EMC1: variants seen among roughly 807,000 people sequenced by gnomAD.
EMC1 encodes KIAA0090.
In EMC1, 103 loss-of-function variants were observed where a neutral mutation model predicts 128.8. That is an observed-to-expected ratio of 0.80 (90% confidence interval 0.68 to 0.94). The LOEUF is 0.94. EMC1 is among the 40% of genes least tolerant of loss of function. The pLI is 0.00. For synonymous variants in EMC1, 442 were observed against 490.4 expected (o/e 0.90, Z 1.30); for missense variants, 1,083 against 1,250.6 (o/e 0.87, Z 2.02).
At chr1:19,222,548 ATGTG>A in intron 20 of EMC1, 72 bp downstream of exon 20, 2 of 1,303,360 alleles carry the variant, frequency 1.5e-6, no homozygotes, top group Non-Finnish European at 2.2e-6. Context: ...TCTGCCAGCA[ATGTG>A]TCCCTTGCTC....
chr1:19,234,009 G>A (rs1205487381), intron 13 of EMC1, among the ~76,000 whole-genome samples: 1 of 152,080 alleles, frequency 6.6e-6, no homozygotes, highest in Non-Finnish European at 1.5e-5. Flanking sequence ...CTCTGCTCAA[G>A]GAAGAGAAGT....
chr1:19,219,091 C>G lies in EMC1; in HGVS notation c.*212G>C. On this transcript the variant is annotated 3_prime_UTR_variant, in exon 23 of 23. Transcript: ENST00000477853. ...CATCAGGAATCTCTGAGAGTGTCAG[C>G]TGAGAGAGTTCTGTCTCTCTCCATG... 1.9e-6 allele frequency: 1 copy of G among 533,872 alleles called. No homozygotes were observed. Among genetic ancestry groups the G allele is most frequent in the Non-Finnish European group, 3.4e-6 (1 of 298,258 alleles). 33.1% of individuals were successfully genotyped at this position (533,872 alleles called of 1,614,324 possible). A position where few individuals can be genotyped will look rare whatever the true frequency, so the allele number is the denominator to read the frequency against.
intron 17 of EMC1, 81 bp downstream of exon 17, chr1:19,230,763 C>T (rs1195567715): frequency 5.8e-6 from 9 of 1,542,218 alleles, no homozygotes; most frequent in Non-Finnish European, 7.1e-6. Context: ...GAATGAGTAG[C>T]ATAATTCACT....
In EMC1 at chr1:19,244,009, C is replaced by T. The variant is rs748974716; in HGVS notation, c.227G>A (p.Arg76His). Residue 76 changes from arginine to histidine, a missense_variant, in exon 3 of 23, where the codon CGC becomes CAC. Physicochemically the swap from Arg to His is conservative, Grantham distance 29 (BLOSUM62 0). Coordinates refer to ENST00000477853, the MANE Select transcript of EMC1 (RefSeq NM_015047.3). ...TTCTGCCGTGCCCTTGTCAACATGG[C>T]GCCACACTGAGAGACATGAAAGTTA... ...LNSRTGEILW[R>H]HVDKGTAEGA... 21 of 1,613,864 alleles carry T rather than the reference C, an allele frequency of 1.3e-5. No homozygotes were observed. Among genetic ancestry groups the T allele is most frequent in the African/African-American group, 6.7e-5 (5 of 74,872 alleles).
In EMC1 at chr1:19,223,385, T is replaced by A. The variant is rs757526391; in HGVS notation, c.2376+11A>T. On this transcript the variant is annotated intron_variant, in intron 19 of 22. Coordinates refer to ENST00000477853, the MANE Select transcript of EMC1 (RefSeq NM_015047.3). ...TGGAGCTACCTTGGGTCCCTGGTAG[T>A]GACCGCTTACCACCACCCAGTTCTC... is the stretch of plus-strand genomic sequence containing the variant. 2.5e-6 allele frequency: 4 copies of A among 1,611,738 alleles called. No homozygotes were observed. Among genetic ancestry groups the A allele is most frequent in the Non-Finnish European group, 1.7e-6 (2 of 1,177,984 alleles).
At chr1:19,240,912 C>A in intron 6 of EMC1, 104 bp downstream of exon 6, 1 of 1,357,160 alleles carries the variant, frequency 7.4e-7, no homozygotes, top group Non-Finnish European at 1.0e-6. Context: ...GCATAAGTAG[C>A]TTTTGCATCT....
In EMC1 at chr1:19,250,511, T is replaced by C. The variant is rs528298509; in HGVS notation, c.95+904A>G. ...ATGTAACATGTTTTATTTGTCACAC[T>C]GTCTGGCATAACAGGTACTCAACAT... On this transcript the variant is annotated intron_variant, in intron 1 of 22. Transcript: ENST00000477853. Among the ~76,000 whole-genome samples the C allele has an allele frequency of 7.9e-5, 12 of 152,328 alleles. No individual in the cohort carries two copies. In the South Asian group the frequency reaches 2.5e-3, roughly 32 times the overall value.
Position 19,251,488 on chromosome 1 carries a change from G to T in EMC1, c.22C>A (p.Arg8Ser), listed in dbSNP as rs759788442. 1.2e-6 allele frequency: 2 copies of T among 1,614,008 alleles called. No individual in the cohort carries two copies. The highest frequency in any genetic ancestry group is 1.1e-5 in the South Asian group (1 of 91,094). The part of the protein sequence containing the change: MAAEWAS[R>S]FWLWATLLIP... ...AGCAGCGTAGCCCAAAGCCAGAAAC[G>T]AGAAGCCCACTCAGCCGCCATGATG... Residue 8 changes from arginine (R) to serine (S), a missense_variant, in exon 1 of 23, where the codon CGT becomes AGT. By Grantham distance (110) the Arg-to-Ser change is moderately radical. Transcript: ENST00000477853.
chr1:19,239,629 G>T, intron 8 of EMC1, 189 bp downstream of exon 8: 1 of 614,530 alleles, frequency 1.6e-6, no homozygotes, highest in Middle Eastern at 4.1e-4. Flanking sequence ...AAGATCCTTT[G>T]TAATACTCAG....
Position 19,244,031 on chromosome 1 carries a change from G to T in EMC1, c.221-16C>A. 1 of 1,613,754 alleles carries T rather than the reference G, an allele frequency of 6.2e-7. No homozygotes were observed. The highest frequency in any genetic ancestry group is 8.5e-7 in the Non-Finnish European group (1 of 1,179,780). On this transcript the variant is annotated splice_polypyrimidine_tract_variant and intron_variant, in intron 2 of 22. Coordinates refer to ENST00000477853, the MANE Select transcript of EMC1 (RefSeq NM_015047.3). ...TGGCGCCACACTGAGAGACATGAAA[G>T]TTAGACATTACTATGAACAAAAGGT...
rs113921390 is a variant in EMC1 at position 19,218,990 on chromosome 1, A to AAAAAAAC, written c.*312_*313insGTTTTTT. ...AAAATCAGCCGGAATTCTTATTAAA[A>AAAAAAAC]AAAACAAAACAGAACATTCATGGAT... is the stretch of plus-strand genomic sequence containing the variant. On this transcript the variant is annotated 3_prime_UTR_variant, in exon 23 of 23. Transcript: ENST00000477853. The AAAAAAAC allele has an allele frequency of 2.8e-5, 6 of 213,184 alleles. No homozygotes were observed. Among genetic ancestry groups the AAAAAAAC allele is most frequent in the South Asian group, 1.6e-4 (1 of 6,400 alleles). 13.2% of individuals were successfully genotyped at this position (213,184 alleles called of 1,614,324 possible). A position where few individuals can be genotyped will look rare whatever the true frequency, so the allele number is the denominator to read the frequency against.
chr1:19,217,679 T>C lies in EMC1; in HGVS notation c.*1624A>G, dbSNP rs571521086. ...TGCAGGCTAACCTTGCACATATGTA[T>C]GTAAGACAGTCAGAATTCCAGCCAG... On this transcript the variant is annotated 3_prime_UTR_variant, in exon 23 of 23. Transcript: ENST00000477853. The C allele has an allele frequency of 6.6e-6, 1 of 152,340 alleles. No individual in the cohort carries two copies. Among genetic ancestry groups the C allele is most frequent in the African/African-American group, 2.4e-5 (1 of 41,574 alleles). 9.4% of individuals were successfully genotyped at this position (152,340 alleles called of 1,614,324 possible).
intron 13 of EMC1, 54 bp from the exon 14 acceptor site, chr1:19,233,189 G>A (rs755838009): frequency 2.2e-5 from 32 of 1,482,682 alleles, no homozygotes; most frequent in African/African-American, 4.2e-5. Context: ...TCCATAAGGA[G>A]GTACATGATT....
Position 19,244,843 on chromosome 1 carries a change from G to C in EMC1, c.220+63C>G, listed in dbSNP as rs562449257. The stretch of plus-strand genomic sequence containing the variant: ...CTTATTCAGGAATCAGCCAGGCAGA[G>C]TTGGCAATGGTAAGTCTTTCATCCC... On this transcript the variant is annotated intron_variant, in intron 2 of 22. Transcript: ENST00000477853. The C allele has an allele frequency of 1.4e-5, 22 of 1,589,874 alleles. No homozygotes were observed. The African/African-American group carries it at 2.6e-4, about 18-fold the overall frequency.
At chr1:19,229,100 GGGAATCATAAATACACAA>G (rs2093500847) in intron 17 of EMC1, among the ~76,000 whole-genome samples, 1 of 152,092 alleles carries the variant, frequency 6.6e-6, no homozygotes, top group Non-Finnish European at 1.5e-5. Context: ...GCTGTTGATA[GGGAATCATAAATACACAA>G]GGACAGTAGA....
intron 17 of EMC1, among the ~76,000 whole-genome samples, chr1:19,228,249 C>T (rs145982148): frequency 1.8e-3 from 269 of 151,334 alleles, no homozygotes; most frequent in African/African-American, 6.3e-3. Context: ...GGAAAGGAGG[C>T]GAACGCTCAA....
At chr1:19,220,658 G>T in intron 21 of EMC1, 106 bp downstream of exon 21, 1 of 829,900 alleles carries the variant, frequency 1.2e-6, no homozygotes, top group South Asian at 2.1e-5. Context: ...TACATCCCCA[G>T]CCCCTAGCAC....
intron 1 of EMC1, among the ~76,000 whole-genome samples, chr1:19,245,378 T>C (rs962161997): frequency 6.6e-6 from 1 of 151,186 alleles, no homozygotes; most frequent in South Asian, 2.1e-4. Context: ...GAGGCGGAGG[T>C]TGCAGTGAGC....
At chr1:19,243,582 T>A (rs2093617737) in intron 4 of EMC1, 32 bp downstream of exon 4, 3 of 1,578,178 alleles carry the variant, frequency 1.9e-6, no homozygotes, top group Non-Finnish European at 2.6e-6. Flanking sequence ...AGCCTTTAAC[T>A]CAGTCAAGAT....
Sources: allele counts gnomAD v4.1 joint callset (sites outside exome capture counted in the v4.1 genomes callset), GRCh38; gene constraint gnomAD v4.1.1; transcripts MANE v1.5; gene names NCBI Gene and HGNC (gene_info 2026-07-23, HGNC 2026-07-21).